The following TRPM3 variants were observed in gnomAD, a reference collection of about 807,000 sequenced individuals.
TRPM3 encodes the protein long transient receptor potential channel 3.
A neutral mutation model predicts 181.2 loss-of-function variants in TRPM3; 77 were observed. The observed-to-expected ratio is 0.42, with a 90% confidence interval of 0.35 to 0.51. The LOEUF is 0.51. Ranked by LOEUF, TRPM3 falls within the 20% of genes least tolerant of loss-of-function variation. TRPM3 has a pLI of 0.01. For missense variants in TRPM3, 1,759 were observed against 2,196.7 expected (o/e 0.80, Z 3.98); for synonymous variants, 745 against 796.4 (o/e 0.94, Z 1.09).
At chr9:71,159,972 C>A (rs1433319406) in intron 1 of TRPM3, among the ~76,000 whole-genome samples, 1 of 152,100 alleles carries the variant, frequency 6.6e-6, no homozygotes, top group Non-Finnish European at 1.5e-5. Flanking sequence ...AGTCCTTAAA[C>A]CTTCTATCAG....
intron 1 of TRPM3, among the ~76,000 whole-genome samples, chr9:71,226,673 T>C (rs1472054422): frequency 2.6e-5 from 4 of 151,986 alleles, no homozygotes; most frequent in Non-Finnish European, 4.4e-5. Context: ...GATATATATA[T>C]ACACACACAT....
intron 1 of TRPM3, among the ~76,000 whole-genome samples, chr9:71,146,137 T>C (rs985730271): frequency 2.6e-5 from 4 of 152,206 alleles, no homozygotes; most frequent in African/African-American, 9.6e-5. Flanking sequence ...GAGAAAATTT[T>C]CCCAAACTAT....
intron 9 of TRPM3, among the ~76,000 whole-genome samples, chr9:70,654,499 T>C (rs1044164333): frequency 3.3e-5 from 5 of 151,884 alleles, no homozygotes; most frequent in Non-Finnish European, 7.4e-5. Flanking sequence ...CTGAGACATA[T>C]AAGAGGGTGG....
intron 1 of TRPM3, among the ~76,000 whole-genome samples, chr9:70,869,316 T>G (rs2095734392): frequency 6.6e-6 from 1 of 151,970 alleles, no homozygotes; most frequent in South Asian, 2.1e-4. Flanking sequence ...CGGATTTAAC[T>G]GGCACAGGTC....
At chr9:71,405,270 C>T (rs1199507028) in intron 1 of TRPM3, among the ~76,000 whole-genome samples, 2 of 152,066 alleles carry the variant, frequency 1.3e-5, no homozygotes, top group African/African-American at 4.8e-5. Flanking sequence ...ATGGCCTTAT[C>T]CTATACATAC....
At chr9:71,018,622 A>C (rs1329753) in intron 1 of TRPM3, among the ~76,000 whole-genome samples, 1 of 151,896 alleles carries the variant, frequency 6.6e-6, no homozygotes, top group African/African-American at 2.4e-5. Flanking sequence ...AAAACAGTAA[A>C]GTATGAAAAT....
At chr9:71,346,812 T>C (rs1195200028) in intron 1 of TRPM3, among the ~76,000 whole-genome samples, 1 of 152,210 alleles carries the variant, frequency 6.6e-6, no homozygotes, top group Non-Finnish European at 1.5e-5. Flanking sequence ...AGAAGTACTA[T>C]CTGCTTTTGG....
chr9:71,202,456 T>C (rs914632761), intron 1 of TRPM3, among the ~76,000 whole-genome samples: 10 of 152,192 alleles, frequency 6.6e-5, no homozygotes, highest in Non-Finnish European at 8.8e-5. Flanking sequence ...TGAGAGGCCT[T>C]GGTCACTAAT....
chr9:70,860,608 C>T (rs2132349583), intron 3 of TRPM3, among the ~76,000 whole-genome samples: 1 of 152,258 alleles, frequency 6.6e-6, no homozygotes, highest in African/African-American at 2.4e-5. Context: ...ATGCTGTGGT[C>T]AACCAGTAGG....
At chr9:71,389,257 T>A (rs2093001174) in intron 1 of TRPM3, among the ~76,000 whole-genome samples, 1 of 151,464 alleles carries the variant, frequency 6.6e-6, no homozygotes, top group Non-Finnish European at 1.5e-5. Flanking sequence ...ATCAGGGAAA[T>A]GCAAGTCAAA....
chr9:71,384,665 A>T (rs2092886700), intron 1 of TRPM3, among the ~76,000 whole-genome samples: 2 of 152,244 alleles, frequency 1.3e-5, no homozygotes, highest in African/African-American at 4.8e-5. Context: ...AGCCTTTAGC[A>T]ATCTTAGGAT....
chr9:71,226,068 T>A (rs2080620785), intron 1 of TRPM3, among the ~76,000 whole-genome samples: 2 of 150,740 alleles, frequency 1.3e-5, no homozygotes, highest in African/African-American at 4.9e-5. Flanking sequence ...TATAGAGTTT[T>A]TAGTTTTTTT....
chr9:71,083,009 T>C lies in TRPM3; in HGVS notation c.177+38169A>G, dbSNP rs572335298. 4.9e-4 allele frequency among the ~76,000 whole-genome samples: 75 copies of C among 152,174 alleles called. 1 individual carries two copies. Among genetic ancestry groups the C allele is most frequent in the African/African-American group, 1.4e-3 (58 of 41,534 alleles). On this transcript the variant is annotated intron_variant, in intron 1 of 25. Transcript: ENST00000677713. ...TAGCATGTCCCAAATAGAGAAATAT[T>C]TTAAATATTTCTATGTGTGTGTGTT... is the stretch of plus-strand genomic sequence containing the variant.
intron 1 of TRPM3, among the ~76,000 whole-genome samples, chr9:71,011,468 G>A (rs973817672): frequency 1.8e-4 from 27 of 151,924 alleles, no homozygotes; most frequent in Non-Finnish European, 2.8e-4. Flanking sequence ...ATAAATAAAA[G>A]AGACTACTTG....
At chr9:70,566,707 T>C (rs990898228) in intron 22 of TRPM3, among the ~76,000 whole-genome samples, 4 of 152,182 alleles carry the variant, frequency 2.6e-5, no homozygotes, top group Non-Finnish European at 4.4e-5. Flanking sequence ...ATGGCCCTGC[T>C]GTACCTAGTT....
rs368740132 is a variant in TRPM3 at position 70,618,091 on chromosome 9, GTCTT to G, written c.2358+772_2358+775del. On this transcript the variant is annotated intron_variant, in intron 17 of 25. Coordinates refer to ENST00000677713, the MANE Select transcript of TRPM3 (RefSeq NM_001366145.2). ...AGTCTTCCATCTCCCATTTTTTTCT[GTCTT>G]TCTTTTCCTTTTTCAGTTTCACATT... is the stretch of plus-strand genomic sequence containing the variant. Among the ~76,000 whole-genome samples the G allele has an allele frequency of 6.4e-4, 96 of 150,028 alleles. 2 individuals carry two copies. The South Asian group carries it at 0.018, about 29-fold the overall frequency.
intron 1 of TRPM3, among the ~76,000 whole-genome samples, chr9:71,408,803 CA>C (rs1565543658): frequency 6.6e-6 from 1 of 152,122 alleles, no homozygotes; most frequent in East Asian, 1.9e-4. Flanking sequence ...ATGTAATTGT[CA>C]GATTCACCAA....
At chr9:70,750,944 T>C (rs1366746855) in intron 8 of TRPM3, among the ~76,000 whole-genome samples, 1 of 151,532 alleles carries the variant, frequency 6.6e-6, no homozygotes, top group Non-Finnish European at 1.5e-5. Flanking sequence ...AATGAGGTTG[T>C]TGGTGAAGCC....
At chr9:71,434,378 A>G (rs907160138) in intron 1 of TRPM3, among the ~76,000 whole-genome samples, 4 of 152,200 alleles carry the variant, frequency 2.6e-5, no homozygotes, top group African/African-American at 7.2e-5. Context: ...ACAGCCACCT[A>G]GGAAGCAGGC....
Sources: gnomAD v4.1 joint callset for allele counts (sites outside exome capture counted in the v4.1 genomes callset) on GRCh38, gnomAD v4.1.1 for gene constraint, MANE v1.5 for transcripts, NCBI Gene and HGNC (gene_info 2026-07-23, HGNC 2026-07-21) for gene names.